Variants in GDF10 observed in about 807,000 individuals in gnomAD.
GDF10 encodes the protein growth differentiation factor 10, also known as growth/differentiation factor 10.
In GDF10, 23 loss-of-function variants were observed where a neutral mutation model predicts 32.1. The ratio of observed to expected loss-of-function variants is 0.72; its 90% CI spans 0.52 to 1.02. The LOEUF is 1.02. GDF10 is among the 50% of genes least tolerant of loss of function. GDF10 has a pLI of 0.00. For synonymous variants in GDF10, 328 were observed against 303.1 expected (o/e 1.08, Z -0.85); for missense variants, 764 against 673.9 (o/e 1.13, Z -1.48).
rs1170079778 is a variant in GDF10, at chr10:47,312,597, G to A, written c.1246-4G>A. 4.4e-6 allele frequency: 7 copies of A among 1,573,178 alleles called. No homozygotes were observed. The highest frequency in any genetic ancestry group is 6.0e-6 in the Non-Finnish European group (7 of 1,157,710). ...GGTAACCCTACTCCTTTTCTGCCTT[G>A]CAGATCGTTCGTCCATCCAACCATG... On this transcript the variant is annotated splice_region_variant and splice_polypyrimidine_tract_variant and intron_variant, in intron 2 of 2. Transcript: ENST00000580279.
rs782387338 is a variant in GDF10 at position 47,300,798 on chromosome 10, C to T, written c.147C>T (p.Gly49=). ...AWSALPAAAD[G]LQGDRDLQRH... ...CCGCACTGCCCGCGGCCGCCGACGG[C>T]CTGCAGGGGGACAGGGATCTCCAGC... is the stretch of plus-strand genomic sequence containing the variant. Residue 49 remains glycine (G), a synonymous_variant, in exon 1 of 3, where the codon GGC becomes GGT. Coordinates refer to ENST00000580279, the MANE Select transcript of GDF10 (RefSeq NM_004962.5). 6.4e-7 allele frequency: 1 copy of T among 1,567,692 alleles called. No homozygotes were observed. The highest frequency in any genetic ancestry group is 2.3e-5 in the East Asian group (1 of 42,782).
At position 47,300,611 on chromosome 10, in the gene GDF10, C is replaced by T; in HGVS notation, c.-41C>T. 6.5e-7 allele frequency: 1 copy of T among 1,528,464 alleles called. No individual in the cohort carries two copies. Among genetic ancestry groups the T allele is most frequent in the Non-Finnish European group, 8.8e-7 (1 of 1,137,850 alleles). The allele number at this position is 1,528,464 out of a possible 1,614,324, so 94.7% of individuals were successfully genotyped here. On this transcript the variant is annotated 5_prime_UTR_variant, in exon 1 of 3. Coordinates refer to ENST00000580279, the MANE Select transcript of GDF10 (RefSeq NM_004962.5). ...CCTCCGGTGCGCCAGCGCTCGCCTT[C>T]CTCCTCCTGGACTTCGGCCCTTTGC...
At position 47,312,854 on chromosome 10, in the gene GDF10, A is replaced by C; in HGVS notation, c.*62A>C. On this transcript the variant is annotated 3_prime_UTR_variant, in exon 3 of 3. Transcript: ENST00000580279. ...AGCTGCCTTCTCGGAGCCTTCTGCA[A>C]CCAGGACTTGTGGTGCAGCTGCAGA... 1 of 1,139,086 alleles carries C rather than the reference A, an allele frequency of 8.8e-7. No homozygotes were observed. Among genetic ancestry groups the C allele is most frequent in the Non-Finnish European group, 1.2e-6 (1 of 805,124 alleles). 70.6% of individuals were successfully genotyped at this position (1,139,086 alleles called of 1,614,324 possible).
intron 2 of GDF10, among the ~76,000 whole-genome samples, chr10:47,312,346 C>T (rs2061049514): frequency 1.3e-5 from 2 of 152,230 alleles, no homozygotes; most frequent in African/African-American, 4.8e-5. Context: ...CACAGCGTGC[C>T]TCAGGGAAGC....
At position 47,300,968 on chromosome 10, in the gene GDF10, TGGGTA is replaced by T; in HGVS notation, c.318_319+3del. On this transcript the variant is annotated splice_donor_variant and splice_donor_region_variant and coding_sequence_variant and intron_variant, in exon 1 of 3. Transcript: ENST00000580279. LOFTEE classifies it high-confidence loss of function. Reference sequence around the variant, plus strand: ...ACGGTCCGCAGCTTCAGGGCCAGGCTGGGTAAGTAGAGGGTGCCCCAGGACCCCTT... The same window carrying T: ...ACGGTCCGCAGCTTCAGGGCCAGGCTAGTAGAGGGTGCCCCAGGACCCCTT... The T allele has an allele frequency of 6.7e-7, 1 of 1,481,944 alleles. No individual in the cohort carries two copies. The highest frequency in any genetic ancestry group is 8.9e-7 in the Non-Finnish European group (1 of 1,122,206). The allele number at this position is 1,481,944 out of a possible 1,614,324, so 91.8% of individuals were successfully genotyped here. A position where few individuals can be genotyped will look rare whatever the true frequency, so the allele number is the denominator to read the frequency against.
At chr10:47,308,956 C>T (rs527655220) in intron 1 of GDF10, among the ~76,000 whole-genome samples, 1 of 152,188 alleles carries the variant, frequency 6.6e-6, no homozygotes, top group African/African-American at 2.4e-5. Flanking sequence ...CTGTGCTGCC[C>T]TGGTGCCCTG....
chr10:47,303,596 A>G (rs1555207003), intron 1 of GDF10, among the ~76,000 whole-genome samples: 2 of 152,114 alleles, frequency 1.3e-5, no homozygotes, highest in Non-Finnish European at 2.9e-5. Context: ...TGCTGTTGAT[A>G]TACCAGCCAC....
chr10:47,300,732 G>C lies in GDF10; in HGVS notation c.81G>C (p.Leu27Phe). The change falls in exon 1 of 3, where the codon TTG (leucine) becomes TTC (phenylalanine). Residue 27 changes from leucine (L) to phenylalanine (F), a missense_variant. Physicochemically the swap from Leu to Phe is conservative, Grantham distance 22. Coordinates refer to ENST00000580279, the MANE Select transcript of GDF10 (RefSeq NM_004962.5). ...TGCTGCTGCCGTTGTTTCTGCTGTT[G>C]CTCCGGGATGTGGCCGGCAGCCACA... is the stretch of plus-strand genomic sequence containing the variant. Reference protein sequence around the residue: ...LLLLLPLFLLLLRDVAGSHRA... With the variant: ...LLLLLPLFLLFLRDVAGSHRA... 6.3e-7 allele frequency: 1 copy of C among 1,575,788 alleles called. No homozygotes were observed.
chr10:47,310,270 G>A lies in GDF10; in HGVS notation c.794G>A (p.Arg265Lys). ...EPNSVAVTLQ[R>K]YDPFPAGDPE... ...AACAGCGTGGCAGTGACGCTGCAGA[G>A]ATACGACCCCTTCCCTGCCGGAGAC... The change falls in exon 2 of 3, where the codon AGA (arginine) becomes AAA (lysine). Residue 265 changes from arginine (R) to lysine (K), a missense_variant. Coordinates refer to ENST00000580279, the MANE Select transcript of GDF10 (RefSeq NM_004962.5). 1 of 1,609,162 alleles carries A rather than the reference G, an allele frequency of 6.2e-7. No individual in the cohort carries two copies.
rs1293296054 is a variant in GDF10 at position 47,313,493 on chromosome 10, T to A, written c.*701T>A. 5 of 152,652 alleles carry A rather than the reference T, an allele frequency of 3.3e-5. No individual in the cohort carries two copies. Among genetic ancestry groups the A allele is most frequent in the Non-Finnish European group, 7.3e-5 (5 of 68,034 alleles). 9.5% of individuals were successfully genotyped at this position (152,652 alleles called of 1,614,324 possible). A position where few individuals can be genotyped will look rare whatever the true frequency, so the allele number is the denominator to read the frequency against. On this transcript the variant is annotated 3_prime_UTR_variant, in exon 3 of 3. Coordinates refer to ENST00000580279, the MANE Select transcript of GDF10 (RefSeq NM_004962.5). ...AACCAAGATTTTATATTTTTGTAAATTATACTTTCTATACTGTAGATTGTG... is the reference window on the plus strand; with the variant it reads ...AACCAAGATTTTATATTTTTGTAAAATATACTTTCTATACTGTAGATTGTG...
At chr10:47,311,151 T>A (rs1242601757) in intron 2 of GDF10, among the ~76,000 whole-genome samples, 3 of 152,212 alleles carry the variant, frequency 2.0e-5, no homozygotes, top group Non-Finnish European at 4.4e-5. Flanking sequence ...TGTGGCAATC[T>A]GTGACTAGCA....
chr10:47,312,422 T>C (rs989981124), intron 2 of GDF10, among the ~76,000 whole-genome samples, 179 bp from the exon 3 acceptor site: 1 of 152,182 alleles, frequency 6.6e-6, no homozygotes, highest in Admixed American at 6.5e-5. Context: ...TGTCTGATTT[T>C]AGAGGAACCG....
intron 1 of GDF10, among the ~76,000 whole-genome samples, chr10:47,305,141 C>T (rs1334551595): frequency 1.3e-5 from 2 of 152,120 alleles, no homozygotes; most frequent in Non-Finnish European, 1.5e-5. Flanking sequence ...TTCTCAGGCT[C>T]CTGCTGGAAG....
chr10:47,302,973 G>C (rs2061009748), intron 1 of GDF10, among the ~76,000 whole-genome samples: 1 of 152,236 alleles, frequency 6.6e-6, no homozygotes, highest in Non-Finnish European at 1.5e-5. Context: ...TTTCCTTGTA[G>C]TACAGTGAAG....
In GDF10 at chr10:47,308,462, G is replaced by A. The variant is rs183637182; in HGVS notation, c.320-1334G>A. On this transcript the variant is annotated intron_variant, in intron 1 of 2. Coordinates refer to ENST00000580279, the MANE Select transcript of GDF10 (RefSeq NM_004962.5). ...TAGATGTGCTTCTCTGTTTCTTCCC[G>A]CTCATAGTCCCTTAAGAGTATGTGA... Among the ~76,000 whole-genome samples the A allele has an allele frequency of 9.3e-4, 141 of 152,094 alleles. 1 individual carries two copies. The highest frequency in any genetic ancestry group is 7.1e-3 in the South Asian group (34 of 4,810).
chr10:47,302,361 C>A (rs1217641862), intron 1 of GDF10, among the ~76,000 whole-genome samples: 1 of 152,202 alleles, frequency 6.6e-6, no homozygotes, highest in Non-Finnish European at 1.5e-5. Flanking sequence ...CCCCTGGGAG[C>A]ACAAATAATC....
chr10:47,300,536 G>GCTGCC lies in GDF10; in HGVS notation c.-114_-110dup. ...CGCGGACCTCGGTATCCAGCGCCCT[G>GCTGCC]CTGCCCGGGCTCTCCCCGCGCGCCC... On this transcript the variant is annotated 5_prime_UTR_variant, in exon 1 of 3. Coordinates refer to ENST00000580279, the MANE Select transcript of GDF10 (RefSeq NM_004962.5). 1.1e-6 allele frequency: 1 copy of GCTGCC among 948,220 alleles called. No individual in the cohort carries two copies. Among genetic ancestry groups the GCTGCC allele is most frequent in the South Asian group, 1.8e-5 (1 of 56,146 alleles). The allele number at this position is 948,220 out of a possible 1,614,324, so 58.7% of individuals were successfully genotyped here.
In GDF10 at chr10:47,301,038, C is replaced by A. The variant is rs981698110; in HGVS notation, c.319+68C>A. 5 of 1,055,510 alleles carry A rather than the reference C, an allele frequency of 4.7e-6. No individual in the cohort carries two copies. In the African/African-American group the frequency reaches 5.1e-5, roughly 11 times the overall value. 65.4% of individuals were successfully genotyped at this position (1,055,510 alleles called of 1,614,324 possible). ...CCTTCCTCACTTTTCTGTCTCCCCA[C>A]CCGTGCACCTCTACTTTTCCTCTTC... is the stretch of plus-strand genomic sequence containing the variant. On this transcript the variant is annotated intron_variant, in intron 1 of 2. Transcript: ENST00000580279.
intron 2 of GDF10, among the ~76,000 whole-genome samples, chr10:47,311,591 TC>T (rs1196540517): frequency 2.0e-5 from 3 of 152,234 alleles, no homozygotes; most frequent in African/African-American, 7.2e-5. Context: ...AAATGGCTTC[TC>T]CTCAAAACTT....
Sources: gnomAD v4.1 joint callset for allele counts (sites outside exome capture counted in the v4.1 genomes callset) on GRCh38, gnomAD v4.1.1 for gene constraint, MANE v1.5 for transcripts, NCBI Gene and HGNC (gene_info 2026-07-23, HGNC 2026-07-21) for gene names.